RRH: variants seen among roughly 807,000 people sequenced by gnomAD.
RRH encodes the protein retinal pigment epithelium-derived rhodopsin homolog.
RRH carries 36 observed loss-of-function variants against 33.1 expected under a neutral mutation model. The observed-to-expected ratio is 1.09, with a 90% CI of 0.83 to 1.44. The LOEUF is 1.44. Among genes scored for constraint, RRH ranks in the 40% most tolerant of loss-of-function variants. The pLI, the probability that RRH is intolerant of heterozygous loss-of-function variation, is 0.00. For synonymous variants in RRH, 124 were observed against 140.2 expected (o/e 0.88, Z 0.82); for missense variants, 393 against 420.2 (o/e 0.94, Z 0.57).
At position 109,837,454 on chromosome 4, in the gene RRH, C is replaced by T; in HGVS notation, c.569C>T (p.Thr190Ile). ...RKNDRSFVSYTMTVIAINFIV... is the reference protein window; with the variant it reads ...RKNDRSFVSYIMTVIAINFIV... ...ATTTTCAGATCTTTTGTGTCTTACA[C>T]CATGACAGTTATTGCGATAAATTTT... Residue 190 changes from threonine (T) to isoleucine (I), a missense_variant, in exon 5 of 7, where the codon ACC becomes ATC. Thr to Ile is a moderately conservative substitution (Grantham distance 89, BLOSUM62 -1). Transcript: ENST00000317735. The T allele has an allele frequency of 1.2e-6, 2 of 1,614,016 alleles. No individual in the cohort carries two copies. The highest frequency in any genetic ancestry group is 1.7e-6 in the Non-Finnish European group (2 of 1,179,898).
Position 109,828,084 on chromosome 4 carries a change from CT to C in RRH, c.61del (p.Ser21HisfsTer12). The C allele has an allele frequency of 1.2e-6, 2 of 1,612,786 alleles. No individual in the cohort carries two copies. The highest frequency in any genetic ancestry group is 1.7e-6 in the Non-Finnish European group (2 of 1,178,980). ...SDSKNEDGSVFSQTEHNIVAT... is the reference protein window; with the variant it reads ...SDSKNEDGSVXSQTEHNIVAT... The stretch of plus-strand genomic sequence containing the variant: ...ACTCTAAAAATGAAGATGGCTCGGT[CT>C]TTTCACAGACTGAACACAATATTGT... On this transcript the variant is annotated frameshift_variant, in exon 1 of 7. Coordinates refer to ENST00000317735, the MANE Select transcript of RRH (RefSeq NM_006583.5). LOFTEE classifies it high-confidence loss of function.
At chr4:109,842,141 T>C (rs1332744825) in intron 5 of RRH, among the ~76,000 whole-genome samples, 1 of 152,182 alleles carries the variant, frequency 6.6e-6, no homozygotes, top group Non-Finnish European at 1.5e-5. Context: ...GGGTGGGTTT[T>C]TATCTGTCTT....
chr4:109,835,570 C>T (rs1326669689), intron 3 of RRH, 105 bp downstream of exon 3: 1 of 840,166 alleles, frequency 1.2e-6, no homozygotes. Flanking sequence ...TAGTTAGGGT[C>T]AGTTTTATTT....
chr4:109,839,968 C>G (rs1426491301), intron 5 of RRH, among the ~76,000 whole-genome samples: 1 of 152,092 alleles, frequency 6.6e-6, no homozygotes, highest in Non-Finnish European at 1.5e-5. Context: ...ATTTATATTC[C>G]TTTGGGTATA....
At chr4:109,833,599 T>C (rs1431229310) in intron 2 of RRH, among the ~76,000 whole-genome samples, 2 of 152,184 alleles carry the variant, frequency 1.3e-5, no homozygotes, top group African/African-American at 4.8e-5. Flanking sequence ...AGTGCTGATT[T>C]GCATATTCAA....
At chr4:109,837,343 C>CT (rs146513161) in intron 4 of RRH, 94 bp from the exon 5 acceptor site, 222,756 of 1,078,838 alleles carry the variant, frequency 0.21, 25,160 homozygotes, top group Middle Eastern at 0.25. Context: ...AATATAATGA[C>CT]TACCAGTATT....
intron 3 of RRH, among the ~76,000 whole-genome samples, chr4:109,835,685 A>G (rs1298708904): frequency 2.0e-5 from 3 of 152,202 alleles, no homozygotes; most frequent in Non-Finnish European, 4.4e-5. Flanking sequence ...TCCAAGCCCA[A>G]AGTGAGGTTT....
rs1435316433 is a variant in RRH, at chr4:109,836,086, T to A, written c.477T>A (p.Pro159=). The change falls in exon 4 of 7, where the codon CCT becomes CCA. Residue 159 remains proline (P), a synonymous_variant. Coordinates refer to ENST00000317735, the MANE Select transcript of RRH (RefSeq NM_006583.5). The stretch of plus-strand genomic sequence containing the variant: ...ATGGCCTGTTTTGGGCTTTGATGCC[T>A]ATCATAGGGTGGGCTAGTTATGCCC... ...WINGLFWALM[P]IIGWASYAPD... is the part of the protein sequence containing the mutation. The A allele has an allele frequency of 6.2e-7, 1 of 1,614,080 alleles. No individual in the cohort carries two copies. The highest frequency in any genetic ancestry group is 8.5e-7 in the Non-Finnish European group (1 of 1,180,006).
rs1391731504 is a variant in RRH, at chr4:109,844,132, A to G, written c.949A>G (p.Met317Val). Residue 317 changes from methionine to valine, a missense_variant, in exon 7 of 7, where the codon ATG (methionine) becomes GTG (valine). Physicochemically the swap from Met to Val is conservative, Grantham distance 21. Transcript: ENST00000317735. ...GTTCAAATGTCAGACTCACCAAACA[A>G]TGCCTGTGACAAGTATTTTACCCAT... ...AMFKCQTHQT[M>V]PVTSILPMDV... 5.0e-6 allele frequency: 8 copies of G among 1,613,896 alleles called. No homozygotes were observed. In the African/African-American group the frequency reaches 1.1e-4, roughly 22 times the overall value.
rs1733804125 is a variant in RRH at position 109,833,421 on chromosome 4, A to G, written c.297+92A>G. The G allele has an allele frequency of 8.2e-6, 8 of 972,818 alleles. No homozygotes were observed. In the Admixed American group the frequency reaches 1.6e-4, roughly 19 times the overall value. 60.3% of individuals were successfully genotyped at this position (972,818 alleles called of 1,614,324 possible). A position where few individuals can be genotyped will look rare whatever the true frequency, so the allele number is the denominator to read the frequency against. On this transcript the variant is annotated intron_variant, in intron 2 of 6. Transcript: ENST00000317735. Reference sequence around the variant, plus strand: ...AACGAATCCCAAGAGTTTAAATTGAATATTGTAGAATAATAGATACAGTGC... The same window carrying G: ...AACGAATCCCAAGAGTTTAAATTGAGTATTGTAGAATAATAGATACAGTGC...
At position 109,833,329 on chromosome 4, in the gene RRH, G is replaced by T. The variant is rs1462969683; in HGVS notation, c.297G>T (p.Gln99His). The T allele has an allele frequency of 6.2e-7, 1 of 1,613,232 alleles. No homozygotes were observed. The change falls in exon 2 of 7, where the codon CAG (glutamine) becomes CAT (histidine). Residue 99 changes from glutamine to histidine, a missense_variant and splice_region_variant. By Grantham distance (24) the Gln-to-His change is conservative. Coordinates refer to ENST00000317735, the MANE Select transcript of RRH (RefSeq NM_006583.5). ...GSWKFGYAGC[Q>H]VYAGLNIFFG... ...GGAAATTTGGATACGCAGGCTGTCA[G>T]GTATTGGAGATCATTGGAATGAAAG...
Position 109,833,331 on chromosome 4 carries a change from T to C in RRH, c.297+2T>C. ...AAATTTGGATACGCAGGCTGTCAGGTATTGGAGATCATTGGAATGAAAGCA... is the reference window on the plus strand; with the variant it reads ...AAATTTGGATACGCAGGCTGTCAGGCATTGGAGATCATTGGAATGAAAGCA... On this transcript the variant is annotated splice_donor_variant, in intron 2 of 6. Transcript: ENST00000317735. LOFTEE classifies it high-confidence loss of function. 1 of 1,612,934 alleles carries C rather than the reference T, an allele frequency of 6.2e-7. No individual in the cohort carries two copies. Among genetic ancestry groups the C allele is most frequent in the African/African-American group, 1.3e-5 (1 of 75,016 alleles).
chr4:109,833,932 C>G (rs1289693706), intron 2 of RRH, among the ~76,000 whole-genome samples: 1 of 152,112 alleles, frequency 6.6e-6, no homozygotes, highest in Admixed American at 6.5e-5. Flanking sequence ...AAGTACCAAC[C>G]AGTTTTGTTA....
intron 5 of RRH, 135 bp from the exon 6 acceptor site, chr4:109,842,334 C>A: frequency 3.8e-6 from 3 of 796,166 alleles, no homozygotes; most frequent in Non-Finnish European, 5.8e-6. Context: ...AAAAAAAACT[C>A]AACTATTTCC....
At chr4:109,835,055 A>G (rs13150454) in intron 2 of RRH, among the ~76,000 whole-genome samples, 32,605 of 151,992 alleles carry the variant, frequency 0.21, 4,286 homozygotes, top group East Asian at 0.43. Context: ...CTGTTGAATT[A>G]CCCATCTTCT....
intron 1 of RRH, among the ~76,000 whole-genome samples, chr4:109,832,358 C>T (rs549769214): frequency 2.6e-4 from 39 of 151,268 alleles, no homozygotes; most frequent in Admixed American, 2.3e-3. Context: ...ACTGACAACA[C>T]TGAGGTTCTG....
At chr4:109,836,284 T>C in intron 4 of RRH, 124 bp downstream of exon 4, 1 of 972,898 alleles carries the variant, frequency 1.0e-6, no homozygotes, top group Admixed American at 1.9e-5. Flanking sequence ...TCCCTGGTAG[T>C]GATGATGTGA....
At chr4:109,835,489 T>C (rs752849231) in intron 3 of RRH, 24 bp downstream of exon 3, 14 of 1,531,704 alleles carry the variant, frequency 9.1e-6, no homozygotes, top group African/African-American at 5.5e-5. Flanking sequence ...CTCAGCTTTC[T>C]TAATGAATCC....
At chr4:109,842,953 G>A (rs1184495803) in intron 6 of RRH, among the ~76,000 whole-genome samples, 1 of 152,174 alleles carries the variant, frequency 6.6e-6, no homozygotes, top group Admixed American at 6.5e-5. Context: ...GATGTCAGTG[G>A]TCAGCTTAGT....
Sources: gnomAD v4.1 joint callset for allele counts (sites outside exome capture counted in the v4.1 genomes callset) on GRCh38, gnomAD v4.1.1 for gene constraint, MANE v1.5 for transcripts, NCBI Gene and HGNC (gene_info 2026-07-23, HGNC 2026-07-21) for gene names.